CLEC16A: variants seen among roughly 807,000 people sequenced by gnomAD.
CLEC16A encodes protein CLEC16A.
A neutral mutation model predicts 109.5 loss-of-function variants in CLEC16A; 51 were observed. The observed-to-expected ratio is 0.47, with a 90% CI of 0.37 to 0.59. The LOEUF (loss-of-function observed/expected upper bound fraction) is 0.59, where lower values mean the gene tolerates loss of function less well. CLEC16A is among the 20% of genes least tolerant of loss of function. CLEC16A has a pLI of 0.00. For missense variants in CLEC16A, 1,339 were observed against 1,394.0 expected (o/e 0.96, Z 0.63); for synonymous variants, 673 against 564.2 (o/e 1.19, Z -2.73).
At chr16:11,146,520 G>T (rs989944293) in intron 22 of CLEC16A, among the ~76,000 whole-genome samples, 5 of 149,572 alleles carry the variant, frequency 3.3e-5, no homozygotes, top group African/African-American at 1.2e-4. Flanking sequence ...AGGGAGGGAG[G>T]GATGGGTGTA....
At chr16:10,988,911 A>G (rs1237363640) in intron 10 of CLEC16A, among the ~76,000 whole-genome samples, 1 of 152,166 alleles carries the variant, frequency 6.6e-6, no homozygotes, top group Non-Finnish European at 1.5e-5. Context: ...CTTAGTTCCT[A>G]AGGCTGCGCA....
intron 5 of CLEC16A, 81 bp from the exon 6 acceptor site, chr16:10,972,473 C>T: frequency 3.7e-6 from 5 of 1,339,594 alleles, no homozygotes; most frequent in Non-Finnish European, 5.3e-6. Flanking sequence ...AGCTCTCTCA[C>T]CTTCCCAGGT....
chr16:10,960,220 A>G (rs557449977), intron 2 of CLEC16A, among the ~76,000 whole-genome samples: 15 of 152,192 alleles, frequency 9.9e-5, no homozygotes, highest in Non-Finnish European at 2.2e-4. Flanking sequence ...GGATTTTGCC[A>G]GTTTTTCATT....
chr16:10,971,599 G>A (rs951223697), intron 5 of CLEC16A: 31 of 872,398 alleles, frequency 3.6e-5, no homozygotes, highest in Non-Finnish European at 4.1e-5. Flanking sequence ...CAGCTAAGGG[G>A]TAATTTGACT....
chr16:11,057,982 A>C (rs2048295320), intron 18 of CLEC16A, among the ~76,000 whole-genome samples: 1 of 152,144 alleles, frequency 6.6e-6, no homozygotes, highest in African/African-American at 2.4e-5. Context: ...GAATCAAGAG[A>C]GTGCTTATTG....
intron 22 of CLEC16A, among the ~76,000 whole-genome samples, chr16:11,132,248 C>T (rs1260659254): frequency 1.4e-5 from 2 of 145,588 alleles, no homozygotes; most frequent in East Asian, 2.0e-4. Flanking sequence ...CCCCCGCCCC[C>T]GCCCCCATCC....
At chr16:11,101,733 TC>T (rs2050927580) in intron 19 of CLEC16A, among the ~76,000 whole-genome samples, 2 of 152,174 alleles carry the variant, frequency 1.3e-5, no homozygotes, top group Admixed American at 6.5e-5. Flanking sequence ...TGAATGGAGC[TC>T]CCTTTTTTAT....
At chr16:11,002,874 G>A (rs894980398) in intron 10 of CLEC16A, among the ~76,000 whole-genome samples, 200 bp from the exon 11 acceptor site, 2 of 152,104 alleles carry the variant, frequency 1.3e-5, no homozygotes, top group African/African-American at 4.8e-5. Context: ...CTAGTCCTCT[G>A]TTGGTGGACA....
chr16:10,986,780 A>G (rs927398236), intron 10 of CLEC16A, among the ~76,000 whole-genome samples: 8 of 142,532 alleles, frequency 5.6e-5, no homozygotes, highest in African/African-American at 1.7e-4. Flanking sequence ...AATATACCAC[A>G]TTTTCTTTTT....
At chr16:11,117,550 T>G (rs748665023) in intron 19 of CLEC16A, among the ~76,000 whole-genome samples, 1 of 152,238 alleles carries the variant, frequency 6.6e-6, no homozygotes, top group Non-Finnish European at 1.5e-5. Context: ...TAACTTGGGC[T>G]TATTATATGT....
At chr16:10,959,475 T>G (rs575435215) in intron 2 of CLEC16A, among the ~76,000 whole-genome samples, 1 of 152,328 alleles carries the variant, frequency 6.6e-6, no homozygotes, top group East Asian at 1.9e-4. Context: ...CACCGCAACC[T>G]CTGCCTCCCA....
intron 11 of CLEC16A, among the ~76,000 whole-genome samples, chr16:11,019,702 G>A (rs766786286): frequency 1.3e-5 from 2 of 151,768 alleles, no homozygotes; most frequent in Admixed American, 6.6e-5. Flanking sequence ...CCTGGAGGCG[G>A]AGGTAGCAGT....
At chr16:11,021,365 G>A (rs1166072781) in intron 12 of CLEC16A, among the ~76,000 whole-genome samples, 1 of 152,192 alleles carries the variant, frequency 6.6e-6, no homozygotes, top group East Asian at 1.9e-4. Flanking sequence ...AACTCCCAAA[G>A]CTCTGAAAAA....
Position 11,027,396 on chromosome 16 carries a change from C to T in CLEC16A, c.1537+2475C>T, listed in dbSNP as rs1567214371. 3.5e-6 allele frequency: 5 copies of T among 1,415,628 alleles called. No individual in the cohort carries two copies. The East Asian group carries it at 1.1e-4, about 32-fold the overall frequency. The allele number at this position is 1,415,628 out of a possible 1,614,324, so 87.7% of individuals were successfully genotyped here. A position where few individuals can be genotyped will look rare whatever the true frequency, so the allele number is the denominator to read the frequency against. ...TAGTGGTGTCTTTGTAAAAGTCACCCCCCAGAATCTACAAATGCTGCGTAT... is the reference window on the plus strand; with the variant it reads ...TAGTGGTGTCTTTGTAAAAGTCACCTCCCAGAATCTACAAATGCTGCGTAT... On this transcript the variant is annotated intron_variant, in intron 13 of 23. Coordinates refer to ENST00000409790, the MANE Select transcript of CLEC16A (RefSeq NM_015226.3).
At chr16:11,004,842 T>A (rs1458357247) in intron 11 of CLEC16A, among the ~76,000 whole-genome samples, 1 of 152,012 alleles carries the variant, frequency 6.6e-6, no homozygotes, top group Non-Finnish European at 1.5e-5. Flanking sequence ...GTGTTTTGGT[T>A]TAGGAATTCA....
intron 22 of CLEC16A, among the ~76,000 whole-genome samples, chr16:11,130,235 G>A (rs1466410600): frequency 6.6e-6 from 1 of 152,210 alleles, no homozygotes; most frequent in African/African-American, 2.4e-5. Flanking sequence ...ATCGTTGAGT[G>A]AAGAATGAGC....
intron 19 of CLEC16A, among the ~76,000 whole-genome samples, chr16:11,083,859 C>CA (rs1408617378): frequency 6.6e-6 from 1 of 152,202 alleles, no homozygotes; most frequent in Non-Finnish European, 1.5e-5. Flanking sequence ...TTACAGGGCT[C>CA]AAGGGGATGG....
At chr16:11,109,330 T>C (rs2051425159) in intron 19 of CLEC16A, among the ~76,000 whole-genome samples, 1 of 151,960 alleles carries the variant, frequency 6.6e-6, no homozygotes, top group African/African-American at 2.4e-5. Flanking sequence ...ATTTTTTTAT[T>C]ATTTGTAAAG....
chr16:11,096,480 A>T (rs912094116), intron 19 of CLEC16A, among the ~76,000 whole-genome samples: 2 of 152,222 alleles, frequency 1.3e-5, no homozygotes, highest in Non-Finnish European at 2.9e-5. Flanking sequence ...CGGGAGGAAT[A>T]CAGACCATTG....
Sources: allele counts gnomAD v4.1 joint callset (sites outside exome capture counted in the v4.1 genomes callset), GRCh38; gene constraint gnomAD v4.1.1; transcripts MANE v1.5; gene names NCBI Gene and HGNC (gene_info 2026-07-23, HGNC 2026-07-21).